PBRM1: variants seen among roughly 807,000 people sequenced by gnomAD.
The protein encoded by PBRM1 is protein polybromo-1.
A neutral mutation model predicts 194.5 loss-of-function variants in PBRM1; 27 were observed. The observed-to-expected ratio is 0.14, with a 90% confidence interval of 0.10 to 0.19. PBRM1 has a LOEUF of 0.19. Ranked by LOEUF, PBRM1 falls within the 10% of genes least tolerant of loss-of-function variation. The pLI is 1.00. For missense variants in PBRM1, 1,466 were observed against 2,077.2 expected (o/e 0.71, Z 5.72); for synonymous variants, 655 against 693.2 (o/e 0.94, Z 0.87).
chr3:52,615,057 T>A (rs1207298242), intron 15 of PBRM1, among the ~76,000 whole-genome samples: 1 of 152,182 alleles, frequency 6.6e-6, no homozygotes, highest in Non-Finnish European at 1.5e-5. Context: ...TACTATATTC[T>A]TACAGCATTA....
At position 52,642,047 on chromosome 3, in the gene PBRM1, T is replaced by TATAA; in HGVS notation, c.996-3_996-2insTTAT. On this transcript the variant is annotated splice_polypyrimidine_tract_variant and splice_region_variant and intron_variant, in intron 9 of 29. Transcript: ENST00000296302. ...CCTCCTTGTACTGCTCTTTTATTAC[T>TATAA]ACAAAAAAAAAAAAAGCAATTAGAC... 7.4e-7 allele frequency: 1 copy of TATAA among 1,352,270 alleles called. No individual in the cohort carries two copies. The highest frequency in any genetic ancestry group is 1.0e-6 in the Non-Finnish European group (1 of 969,844). 83.8% of individuals were successfully genotyped at this position (1,352,270 alleles called of 1,614,324 possible). A position where few individuals can be genotyped will look rare whatever the true frequency, so the allele number is the denominator to read the frequency against.
chr3:52,566,477 C>G (rs1032388098), intron 22 of PBRM1, among the ~76,000 whole-genome samples: 2 of 152,022 alleles, frequency 1.3e-5, no homozygotes, highest in East Asian at 3.8e-4. Context: ...GAATATACAG[C>G]CTTAGGAATA....
intron 27 of PBRM1, 55 bp downstream of exon 29, chr3:52,554,669 G>A (rs966293559): frequency 2.0e-5 from 29 of 1,444,184 alleles, no homozygotes; most frequent in Non-Finnish European, 2.6e-5. Context: ...GGTTGAAAGC[G>A]GAAAAAGAGA....
intron 22 of PBRM1, among the ~76,000 whole-genome samples, chr3:52,575,812 C>T (rs547106717): frequency 6.6e-6 from 1 of 151,820 alleles, no homozygotes; most frequent in East Asian, 1.9e-4. Flanking sequence ...CCATGCCTGG[C>T]CTTAAATCAA....
At chr3:52,657,567 TC>T (rs1404412300) in intron 5 of PBRM1, among the ~76,000 whole-genome samples, 1 of 151,270 alleles carries the variant, frequency 6.6e-6, no homozygotes, top group Non-Finnish European at 1.5e-5. Flanking sequence ...CCTCCCAGGT[TC>T]AAGCAATTCT....
At chr3:52,591,511 G>GTTTTTTTTTT (rs57736913) in intron 17 of PBRM1, among the ~76,000 whole-genome samples, 26 of 71,842 alleles carry the variant, frequency 3.6e-4, no homozygotes, top group Admixed American at 8.1e-4. Flanking sequence ...TTTTGTCTTT[G>GTTTTTTTTTT]TTTTTTTTTT....
intron 2 of PBRM1, among the ~76,000 whole-genome samples, chr3:52,669,446 G>A (rs2096905057): frequency 6.6e-6 from 1 of 151,972 alleles, no homozygotes; most frequent in Non-Finnish European, 1.5e-5. Context: ...TTGGGTTTAG[G>A]GTTCATGGAT....
intron 22 of PBRM1, among the ~76,000 whole-genome samples, chr3:52,573,904 A>G (rs1234792876): frequency 1.3e-5 from 2 of 152,134 alleles, no homozygotes; most frequent in African/African-American, 4.8e-5. Flanking sequence ...CTGGTGTAAG[A>G]TTGTGGTGAT....
chr3:52,547,483 A>G, downstream of PBRM1: 1 of 233,708 alleles, frequency 4.3e-6, no homozygotes, highest in Non-Finnish European at 8.5e-6. Flanking sequence ...AAACCTAAAT[A>G]ACCACCTTTC....
At chr3:52,680,949 A>G (rs988443047), upstream of PBRM1, among the ~76,000 whole-genome samples, 17 of 151,846 alleles carry the variant, frequency 1.1e-4, no homozygotes, top group Non-Finnish European at 2.4e-4. Context: ...AAAAGATCCC[A>G]GTTTCACTCA....
At chr3:52,580,619 C>T (rs2090916984) in intron 20 of PBRM1, among the ~76,000 whole-genome samples, 1 of 152,190 alleles carries the variant, frequency 6.6e-6, no homozygotes, top group African/African-American at 2.4e-5. Flanking sequence ...GCCTTGGCCT[C>T]CCAAAGTGCG....
chr3:52,572,735 C>T (rs1315502398), intron 22 of PBRM1, among the ~76,000 whole-genome samples: 4 of 152,162 alleles, frequency 2.6e-5, no homozygotes, highest in Admixed American at 6.5e-5. Context: ...AGAACATAAC[C>T]GTTGGAAAAA....
chr3:52,648,313 AAACAAC>A (rs752396114), intron 7 of PBRM1, 25 bp downstream of exon 8: 12 of 1,253,088 alleles, frequency 9.6e-6, no homozygotes, highest in African/African-American at 6.0e-5. Context: ...TTACCAAGGA[AAACAAC>A]AACAACAACA....
At chr3:52,598,122 T>C (rs563671207) in intron 17 of PBRM1, among the ~76,000 whole-genome samples, 3 of 152,312 alleles carry the variant, frequency 2.0e-5, no homozygotes, top group Admixed American at 6.5e-5. Context: ...ACACACCACA[T>C]AATTCACCTA....
chr3:52,680,184 T>C (rs886363045), upstream of PBRM1, among the ~76,000 whole-genome samples: 1 of 152,138 alleles, frequency 6.6e-6, no homozygotes, highest in Non-Finnish European at 1.5e-5. Flanking sequence ...GATCATTTGC[T>C]AGGTGGGCCA....
chr3:52,556,215 C>T (rs1422986988), intron 26 of PBRM1, among the ~76,000 whole-genome samples: 1 of 152,136 alleles, frequency 6.6e-6, no homozygotes, highest in African/African-American at 2.4e-5. Flanking sequence ...ATTCTGAGGT[C>T]GATTCACCCT....
At chr3:52,657,352 A>G (rs151333904) in intron 5 of PBRM1, among the ~76,000 whole-genome samples, 139 of 152,074 alleles carry the variant, frequency 9.1e-4, no homozygotes, top group Non-Finnish European at 1.6e-3. Context: ...CAATCAAAAA[A>G]CAAAAAACGT....
At chr3:52,635,932 T>TG (rs1304139551) in intron 10 of PBRM1, among the ~76,000 whole-genome samples, 5 of 152,130 alleles carry the variant, frequency 3.3e-5, no homozygotes, top group Non-Finnish European at 7.4e-5. Context: ...GGCGTGATCC[T>TG]GGCTCACTGC....
At chr3:52,647,851 T>C (rs985318436) in intron 7 of PBRM1, among the ~76,000 whole-genome samples, 8 of 152,086 alleles carry the variant, frequency 5.3e-5, no homozygotes, top group African/African-American at 1.9e-4. Flanking sequence ...AAAGGGCGAC[T>C]GTTAATTGAC....
Sources: allele counts gnomAD v4.1 joint callset (sites outside exome capture counted in the v4.1 genomes callset), GRCh38; gene constraint gnomAD v4.1.1; transcripts MANE v1.5; gene names NCBI Gene and HGNC (gene_info 2026-07-23, HGNC 2026-07-21).